The following BIN3 variants were observed in gnomAD, a reference collection of about 807,000 sequenced individuals.
BIN3 encodes bridging integrator 3.
Under a neutral mutation model 38.2 loss-of-function variants are expected in BIN3, and 41 were observed. The ratio of observed to expected loss-of-function variants is 1.07; its 90% CI spans 0.84 to 1.39. The LOEUF is 1.39. Among genes scored for constraint, BIN3 ranks in the 40% most tolerant of loss-of-function variants. The pLI is 0.00. For missense variants in BIN3, 361 were observed against 324.3 expected (o/e 1.11, Z -0.87); for synonymous variants, 145 against 122.6 (o/e 1.18, Z -1.21).
intron 1 of BIN3, among the ~76,000 whole-genome samples, chr8:22,663,166 G>A (rs1803291930): frequency 6.6e-6 from 1 of 151,808 alleles, no homozygotes; most frequent in Non-Finnish European, 1.5e-5. Flanking sequence ...ATATCAGAGT[G>A]CATTGCACAC....
chr8:22,621,485 C>A lies in BIN3; in HGVS notation c.699G>T (p.Arg233=). 6.2e-7 allele frequency: 1 copy of A among 1,613,960 alleles called. No individual in the cohort carries two copies. The highest frequency in any genetic ancestry group is 8.5e-7 in the Non-Finnish European group (1 of 1,179,886). The change falls in exon 9 of 9, where the codon CGG becomes CGT. Residue 233 remains arginine (R), a synonymous_variant. Coordinates refer to ENST00000276416, the MANE Select transcript of BIN3 (RefSeq NM_018688.6). ...LDQPGHSDEQ[R]ERENEAKLSE... ...TGAGTTTGGCCTCGTTCTCCCGCTC[C>A]CGCTGCTCATCGGAGTGGCCTGGCT...
intron 4 of BIN3, among the ~76,000 whole-genome samples, chr8:22,636,012 C>T (rs1383378016): frequency 2.6e-5 from 4 of 152,294 alleles, no homozygotes; most frequent in East Asian, 3.9e-4. Context: ...CACCTGCTGG[C>T]CCCCACTTCC....
intron 1 of BIN3, among the ~76,000 whole-genome samples, chr8:22,661,894 G>A (rs973692700): frequency 1.3e-5 from 2 of 151,786 alleles, no homozygotes; most frequent in Non-Finnish European, 2.9e-5. Flanking sequence ...AGGTTCAAAC[G>A]ATTCTCCTGC....
chr8:22,664,805 C>T (rs186467843), intron 1 of BIN3, among the ~76,000 whole-genome samples: 8 of 152,144 alleles, frequency 5.3e-5, no homozygotes, highest in Non-Finnish European at 1.0e-4. Context: ...AGACAAAGGA[C>T]GGGAAAGCCA....
intron 1 of BIN3, among the ~76,000 whole-genome samples, chr8:22,645,526 G>A (rs1585194320): frequency 6.6e-6 from 1 of 151,518 alleles, no homozygotes; most frequent in Non-Finnish European, 1.5e-5. Context: ...AAGGGGAAGG[G>A]GAGGGGGAGG....
At position 22,624,105 on chromosome 8, in the gene BIN3, G is replaced by A. The variant is rs988622127; in HGVS notation, c.481-56C>T. 5 of 783,812 alleles carry A rather than the reference G, an allele frequency of 6.4e-6. No homozygotes were observed. The African/African-American group carries it at 7.1e-5, about 11-fold the overall frequency. 48.6% of individuals were successfully genotyped at this position (783,812 alleles called of 1,614,324 possible). On this transcript the variant is annotated intron_variant, in intron 7 of 8. Coordinates refer to ENST00000276416, the MANE Select transcript of BIN3 (RefSeq NM_018688.6). Reference sequence around the variant, plus strand: ...TCTCACTGCTGGGTGCCGGATACGGGATGGGTGGGGTGGGGACGTCTGGTG... The same window carrying A: ...TCTCACTGCTGGGTGCCGGATACGGAATGGGTGGGGTGGGGACGTCTGGTG...
chr8:22,663,362 A>T (rs965151782), intron 1 of BIN3, among the ~76,000 whole-genome samples: 1 of 146,624 alleles, frequency 6.8e-6, no homozygotes. Context: ...GCCTGGGCCC[A>T]GGAGTTTGAG....
In BIN3 at chr8:22,651,287, A is replaced by G. The variant is rs143812710; in HGVS notation, c.9-6484T>C. ...GTCTAACTCTGGTTTCAACACATTC[A>G]TCGTTATCAGGTGTTCTCTCCTTTG... On this transcript the variant is annotated intron_variant, in intron 1 of 8. Coordinates refer to ENST00000276416, the MANE Select transcript of BIN3 (RefSeq NM_018688.6). Among the ~76,000 whole-genome samples the G allele has an allele frequency of 3.0e-3, 452 of 152,262 alleles. 9 individuals are homozygous for G. The highest frequency in any genetic ancestry group is 0.025 in the Admixed American group (378 of 15,294).
intron 8 of BIN3, 106 bp downstream of exon 8, chr8:22,623,809 C>A (rs1801918461): frequency 7.2e-7 from 1 of 1,386,992 alleles, no homozygotes; most frequent in African/African-American, 1.4e-5. Flanking sequence ...GGGGTGGGTG[C>A]CCTGTCTTTA....
chr8:22,624,180 GGCCCACCTGTCTAGCCCCT>G (rs777472033), intron 7 of BIN3, 23 bp downstream of exon 7: 16 of 1,599,782 alleles, frequency 1.0e-5, no homozygotes, highest in African/African-American at 5.4e-5. Flanking sequence ...TGACCACGAT[GGCCCACCTGTCTAGCCCCT>G]GCCCACCTGT....
intron 1 of BIN3, among the ~76,000 whole-genome samples, chr8:22,652,777 G>A (rs1009090219): frequency 1.3e-5 from 2 of 152,180 alleles, no homozygotes; most frequent in African/African-American, 4.8e-5. Context: ...ACAAACATCA[G>A]GAAATAATCT....
chr8:22,642,446 C>A (rs535381688), intron 2 of BIN3, among the ~76,000 whole-genome samples: 3 of 152,208 alleles, frequency 2.0e-5, no homozygotes, highest in Non-Finnish European at 4.4e-5. Context: ...ATAACTACTC[C>A]GAGCTGTAGC....
rs376077176 is a variant in BIN3 at position 22,630,463 on chromosome 8, C to T, written c.276G>A (p.Met92Ile). 93 of 1,613,926 alleles carry T rather than the reference C, an allele frequency of 5.8e-5. No homozygotes were observed. Among genetic ancestry groups the T allele is most frequent in the Non-Finnish European group, 7.7e-5 (91 of 1,179,888 alleles). The stretch of plus-strand genomic sequence containing the variant: ...TCACCTTTTCCTGATTGAAGGCATC[C>T]ATCCGCTTCATGGCCGTGTCCAGGG... ...VTALDTAMKRMDAFNQEKVNQ... is the reference protein window; with the variant it reads ...VTALDTAMKRIDAFNQEKVNQ... Residue 92 changes from methionine (M) to isoleucine (I), a missense_variant, in exon 5 of 9, where the codon ATG (methionine) becomes ATA (isoleucine). Physicochemically the swap from Met to Ile is conservative, Grantham distance 10. Transcript: ENST00000276416.
At chr8:22,645,699 A>G (rs1034123555) in intron 1 of BIN3, among the ~76,000 whole-genome samples, 1 of 152,162 alleles carries the variant, frequency 6.6e-6, no homozygotes, top group Non-Finnish European at 1.5e-5. Flanking sequence ...ACTCACTGTA[A>G]TAGCTATCAT....
At chr8:22,635,368 G>C (rs142193244) in intron 4 of BIN3, among the ~76,000 whole-genome samples, 240 of 152,250 alleles carry the variant, frequency 1.6e-3, no homozygotes, top group African/African-American at 5.6e-3. Context: ...AGTGCCTGGT[G>C]CACGTGGGTT....
intron 1 of BIN3, among the ~76,000 whole-genome samples, chr8:22,663,835 C>T (rs185672011): frequency 3.3e-5 from 5 of 152,296 alleles, no homozygotes; most frequent in East Asian, 1.9e-4. Flanking sequence ...TGAAACAGCA[C>T]GTATTTGCTA....
At chr8:22,629,308 A>C (rs1802103770) in intron 6 of BIN3, among the ~76,000 whole-genome samples, 1 of 152,038 alleles carries the variant, frequency 6.6e-6, no homozygotes, top group Admixed American at 6.5e-5. Flanking sequence ...AGCCTGCTCG[A>C]GAGAGGCCAG....
chr8:22,665,873 G>GA (rs1803401268), intron 1 of BIN3, among the ~76,000 whole-genome samples: 1 of 152,190 alleles, frequency 6.6e-6, no homozygotes. Context: ...GGAAGAGTCA[G>GA]AAAAATATCA....
At chr8:22,662,277 C>G (rs1803261697) in intron 1 of BIN3, among the ~76,000 whole-genome samples, 1 of 152,214 alleles carries the variant, frequency 6.6e-6, no homozygotes, top group East Asian at 1.9e-4. Flanking sequence ...ATATACACCC[C>G]CTCCTGCAGT....
Sources: allele counts gnomAD v4.1 joint callset (sites outside exome capture counted in the v4.1 genomes callset), GRCh38; gene constraint gnomAD v4.1.1; transcripts MANE v1.5; gene names NCBI Gene and HGNC (gene_info 2026-07-23, HGNC 2026-07-21).